The following NAALADL2 variants were observed in gnomAD, a reference collection of about 807,000 sequenced individuals.
NAALADL2 encodes the protein inactive N-acetylated-alpha-linked acidic dipeptidase-like protein 2.
NAALADL2 carries 76 observed loss-of-function variants against 87.2 expected under a neutral mutation model. The ratio of observed to expected loss-of-function variants is 0.87; its 90% CI spans 0.72 to 1.05. The LOEUF (loss-of-function observed/expected upper bound fraction) is 1.05, where lower values mean the gene tolerates loss of function less well. Among genes scored for constraint, NAALADL2 ranks in the 50% least tolerant of loss-of-function variants. The pLI, the probability that NAALADL2 is intolerant of heterozygous loss-of-function variation, is 0.00. For synonymous variants in NAALADL2, 354 were observed against 331.0 expected (o/e 1.07, Z -0.75); for missense variants, 1,089 against 945.8 (o/e 1.15, Z -1.99).
chr3:174,608,939 G>A (rs1354336069), intron 2 of NAALADL2, among the ~76,000 whole-genome samples: 1 of 151,542 alleles, frequency 6.6e-6, no homozygotes, highest in African/African-American at 2.4e-5. Context: ...ACCAAATCCA[G>A]CAGCACATCA....
intron 11 of NAALADL2, among the ~76,000 whole-genome samples, chr3:175,735,616 A>G (rs73171451): frequency 0.12 from 17,673 of 152,208 alleles, 1,218 homozygotes; most frequent in African/African-American, 0.2. Context: ...GCAGGAAAAA[A>G]GAGAGCAGGG....
chr3:175,254,113 A>C (rs1232633863), intron 3 of NAALADL2, among the ~76,000 whole-genome samples: 1 of 152,162 alleles, frequency 6.6e-6, no homozygotes, highest in African/African-American at 2.4e-5. Context: ...ATTTTGGGTA[A>C]AATGCTATCA....
At chr3:175,630,049 G>A (rs557658324) in intron 11 of NAALADL2, among the ~76,000 whole-genome samples, 36 of 151,670 alleles carry the variant, frequency 2.4e-4, no homozygotes, top group Non-Finnish European at 4.3e-4. Context: ...GATGACATAT[G>A]ACTTACCCAA....
intron 9 of NAALADL2, among the ~76,000 whole-genome samples, chr3:175,494,497 GCT>G (rs1260555306): frequency 1.3e-5 from 2 of 152,020 alleles, no homozygotes; most frequent in Non-Finnish European, 2.9e-5. Flanking sequence ...ACTTTCAACA[GCT>G]CTGAGATCAC....
chr3:175,314,565 ATATATATATAT>A (rs1758800433), intron 4 of NAALADL2, among the ~76,000 whole-genome samples: 2 of 20,330 alleles, frequency 9.8e-5, no homozygotes, highest in African/African-American at 3.3e-4. Context: ...CATTCTAACT[ATATATATATAT>A]ATATATATAT....
chr3:175,619,029 C>A lies in NAALADL2; in HGVS notation c.1801-8262C>A, dbSNP rs866637282. Among the ~76,000 whole-genome samples the A allele has an allele frequency of 6.6e-5, 10 of 152,172 alleles. No homozygotes were observed. The Middle Eastern group carries it at 0.01, about 155-fold the overall frequency. On this transcript the variant is annotated intron_variant, in intron 10 of 13. Transcript: ENST00000454872. ...TTTTCTTTTAGGGCTTCAGACTGAA[C>A]CTTGGAATAGAATCTGGGACAAAAA...
In NAALADL2 at chr3:174,628,043, A is replaced by G. The variant is rs1350730455; in HGVS notation, c.-115+77406A>G. Reference sequence around the variant, plus strand: ...GAAAGCCCAGACTTCACCATTGTGCAATATATCCATGTAACACAAGTGTAT... The same window carrying G: ...GAAAGCCCAGACTTCACCATTGTGCGATATATCCATGTAACACAAGTGTAT... On this transcript the variant is annotated intron_variant, in intron 2 of 3. Coordinates refer to the NAALADL2 transcript ENST00000434257. Among the ~76,000 whole-genome samples, 3 of 152,224 alleles carry G rather than the reference A, an allele frequency of 2.0e-5. No homozygotes were observed. The East Asian group carries it at 5.8e-4, about 29-fold the overall frequency.
intron 5 of NAALADL2, among the ~76,000 whole-genome samples, chr3:175,387,551 A>G (rs1291106139): frequency 6.6e-6 from 1 of 152,094 alleles, no homozygotes; most frequent in Non-Finnish European, 1.5e-5. Context: ...AATATGTAAG[A>G]AATCATTCAA....
chr3:175,127,848 G>T (rs986747502), intron 2 of NAALADL2, among the ~76,000 whole-genome samples: 2 of 151,954 alleles, frequency 1.3e-5, no homozygotes, highest in Non-Finnish European at 2.9e-5. Flanking sequence ...GCAAGACCCT[G>T]TCTCTACATA....
At chr3:174,963,750 G>A (rs1489723419) in intron 1 of NAALADL2, among the ~76,000 whole-genome samples, 1 of 152,094 alleles carries the variant, frequency 6.6e-6, no homozygotes, top group African/African-American at 2.4e-5. Context: ...GAAAAAGACA[G>A]CTTAAAATCA....
chr3:174,599,366 A>G (rs1718225455), intron 2 of NAALADL2, among the ~76,000 whole-genome samples: 1 of 152,134 alleles, frequency 6.6e-6, no homozygotes, highest in Non-Finnish European at 1.5e-5. Flanking sequence ...TAACTAGGAG[A>G]AAACTGACCT....
upstream of NAALADL2, among the ~76,000 whole-genome samples, chr3:174,857,028 C>G (rs956189991): frequency 1.3e-5 from 2 of 152,068 alleles, no homozygotes; most frequent in Non-Finnish European, 2.9e-5. Context: ...CCTACTGTAC[C>G]TATAATATAA....
At chr3:174,726,457 T>G (rs1466318386) in intron 2 of NAALADL2, among the ~76,000 whole-genome samples, 1 of 152,196 alleles carries the variant, frequency 6.6e-6, no homozygotes, top group South Asian at 2.1e-4. Flanking sequence ...TTTGTACTAA[T>G]TATAATTTTT....
chr3:175,578,939 A>G (rs73169496), intron 10 of NAALADL2, among the ~76,000 whole-genome samples: 19,302 of 152,280 alleles, frequency 0.13, 1,381 homozygotes, highest in Middle Eastern at 0.17. Context: ...CAAAGATTAG[A>G]AGATGAATAC....
At chr3:175,700,260 A>G (rs1738803483) in intron 11 of NAALADL2, among the ~76,000 whole-genome samples, 1 of 152,146 alleles carries the variant, frequency 6.6e-6, no homozygotes, top group Non-Finnish European at 1.5e-5. Context: ...GCTTCAGTTG[A>G]GGCCGTTGAT....
chr3:174,711,369 C>T (rs147187176), intron 2 of NAALADL2, among the ~76,000 whole-genome samples: 121 of 152,264 alleles, frequency 7.9e-4, no homozygotes, highest in African/African-American at 2.8e-3. Context: ...CAGGTAAAAG[C>T]GGTTCTTATG....
chr3:174,575,933 G>A (rs1456047969), intron 2 of NAALADL2, among the ~76,000 whole-genome samples: 2 of 151,898 alleles, frequency 1.3e-5, no homozygotes, highest in African/African-American at 4.8e-5. Flanking sequence ...GTGCGATCTC[G>A]GCTCACAGCA....
At chr3:175,613,522 A>G (rs1189010968) in intron 10 of NAALADL2, among the ~76,000 whole-genome samples, 1 of 152,262 alleles carries the variant, frequency 6.6e-6, no homozygotes, top group East Asian at 1.9e-4. Context: ...ATGATTCTCA[A>G]CAATCATTAC....
intron 3 of NAALADL2, among the ~76,000 whole-genome samples, chr3:174,806,142 G>A (rs1719450521): frequency 6.6e-6 from 1 of 151,994 alleles, no homozygotes; most frequent in Non-Finnish European, 1.5e-5. Flanking sequence ...TCCCTGGTTG[G>A]GCTTCTCCCA....
Sources: gnomAD v4.1 joint callset for allele counts (sites outside exome capture counted in the v4.1 genomes callset) on GRCh38, gnomAD v4.1.1 for gene constraint, MANE v1.5 for transcripts, NCBI Gene and HGNC (gene_info 2026-07-23, HGNC 2026-07-21) for gene names.